Variants in RCAN2 observed in about 807,000 individuals in gnomAD.
RCAN2 encodes calcipressin-2.
RCAN2 carries 9 observed loss-of-function variants against 23.6 expected under a neutral mutation model. The observed-to-expected ratio is 0.38, with a 90% CI of 0.23 to 0.67. The LOEUF (loss-of-function observed/expected upper bound fraction) is 0.67. RCAN2 is among the 30% of genes least tolerant of loss of function. The pLI is 0.51. For missense variants in RCAN2, 273 were observed against 302.3 expected (o/e 0.90, Z 0.72); for synonymous variants, 109 against 115.7 (o/e 0.94, Z 0.37).
chr6:46,322,065 C>T (rs1311196116), intron 2 of RCAN2, among the ~76,000 whole-genome samples: 1 of 152,152 alleles, frequency 6.6e-6, no homozygotes, highest in East Asian at 1.9e-4. Context: ...AAAAGATCTC[C>T]AGGGGACACC....
At chr6:46,313,010 T>C (rs1019461486) in intron 2 of RCAN2, among the ~76,000 whole-genome samples, 1 of 152,206 alleles carries the variant, frequency 6.6e-6, no homozygotes, top group African/African-American at 2.4e-5. Flanking sequence ...TCCTTCATAA[T>C]GTGACCCCAG....
At chr6:46,260,319 A>G (rs1268762573) in intron 2 of RCAN2, among the ~76,000 whole-genome samples, 1 of 152,210 alleles carries the variant, frequency 6.6e-6, no homozygotes, top group Non-Finnish European at 1.5e-5. Context: ...CTCTTAGCTG[A>G]TAAGGGTCAA....
At chr6:46,382,693 A>T (rs1765643165) in intron 2 of RCAN2, among the ~76,000 whole-genome samples, 1 of 152,234 alleles carries the variant, frequency 6.6e-6, no homozygotes, top group South Asian at 2.1e-4. Flanking sequence ...ACTATGTTTA[A>T]GAATAATAAG....
At chr6:46,333,095 C>T (rs1764035067) in intron 2 of RCAN2, among the ~76,000 whole-genome samples, 1 of 152,046 alleles carries the variant, frequency 6.6e-6, no homozygotes, top group East Asian at 1.9e-4. Flanking sequence ...TTTTTGGCTG[C>T]CTAAATGTCT....
At chr6:46,250,773 T>A (rs1409582731) in intron 2 of RCAN2, among the ~76,000 whole-genome samples, 1 of 152,174 alleles carries the variant, frequency 6.6e-6, no homozygotes, top group Non-Finnish European at 1.5e-5. Flanking sequence ...TCTAAGAGAA[T>A]CAACATAGTG....
chr6:46,303,750 T>G (rs1405698971), intron 2 of RCAN2, among the ~76,000 whole-genome samples: 2 of 152,134 alleles, frequency 1.3e-5, no homozygotes, highest in East Asian at 3.9e-4. Context: ...ATGATAAGCA[T>G]GTACTTTTAA....
intron 4 of RCAN2, among the ~76,000 whole-genome samples, chr6:46,241,066 T>C (rs565318955): frequency 6.6e-6 from 1 of 152,300 alleles, no homozygotes; most frequent in Non-Finnish European, 1.5e-5. Context: ...AACATGACCT[T>C]CCAGAGCCAT....
chr6:46,312,592 G>T (rs995450173), intron 2 of RCAN2, among the ~76,000 whole-genome samples: 1 of 152,178 alleles, frequency 6.6e-6, no homozygotes, highest in Admixed American at 6.5e-5. Flanking sequence ...TATTTTAGGT[G>T]TAGTGCCAAC....
intron 2 of RCAN2, among the ~76,000 whole-genome samples, chr6:46,413,328 A>C (rs1766599892): frequency 1.3e-5 from 2 of 152,242 alleles, no homozygotes; most frequent in African/African-American, 4.8e-5. Context: ...CATGAAGATA[A>C]TTAGTTGGTA....
intron 2 of RCAN2, among the ~76,000 whole-genome samples, chr6:46,365,582 C>A (rs143574779): frequency 3.3e-5 from 5 of 152,184 alleles, no homozygotes. Flanking sequence ...AGTTTGGAGA[C>A]GGCTGCTATA....
intron 2 of RCAN2, among the ~76,000 whole-genome samples, chr6:46,304,642 G>A (rs1205792268): frequency 2.6e-5 from 4 of 152,092 alleles, no homozygotes; most frequent in Non-Finnish European, 5.9e-5. Context: ...AATAAAAGAA[G>A]CACAGTGGTA....
At position 46,468,844 on chromosome 6, in the gene RCAN2, C is replaced by G. The variant is rs995857482; in HGVS notation, c.-2-11866G>C. Reference sequence around the variant, plus strand: ...AACTTGAGTGACTTCCTGAGTCTCACAGATTCTCATTGTCTCCAGCTGTGT... The same window carrying G: ...AACTTGAGTGACTTCCTGAGTCTCAGAGATTCTCATTGTCTCCAGCTGTGT... On this transcript the variant is annotated intron_variant, in intron 1 of 4. Transcript: ENST00000371374. 3.0e-6 allele frequency: 3 copies of G among 985,270 alleles called. No homozygotes were observed. The African/African-American group carries it at 5.2e-5, about 17-fold the overall frequency. 61.0% of individuals were successfully genotyped at this position (985,270 alleles called of 1,614,324 possible). A position where few individuals can be genotyped will look rare whatever the true frequency, so the allele number is the denominator to read the frequency against.
intron 2 of RCAN2, among the ~76,000 whole-genome samples, chr6:46,317,813 T>G (rs1005147694): frequency 1.3e-5 from 2 of 152,170 alleles, no homozygotes; most frequent in African/African-American, 4.8e-5. Context: ...CTTAGAGAGA[T>G]TTCGATAGTG....
intron 2 of RCAN2, among the ~76,000 whole-genome samples, chr6:46,407,379 A>G (rs1453505461): frequency 1.3e-5 from 2 of 152,224 alleles, no homozygotes; most frequent in Non-Finnish European, 2.9e-5. Context: ...AGCAAAAATG[A>G]AGTCTTGATT....
chr6:46,359,039 C>A (rs1031600203), intron 2 of RCAN2, among the ~76,000 whole-genome samples: 6 of 152,194 alleles, frequency 3.9e-5, no homozygotes, highest in African/African-American at 1.2e-4. Flanking sequence ...CAAACTTGAG[C>A]ACATCAGAAT....
At chr6:46,280,986 A>T (rs1230751052) in intron 2 of RCAN2, among the ~76,000 whole-genome samples, 1 of 152,162 alleles carries the variant, frequency 6.6e-6, no homozygotes, top group Non-Finnish European at 1.5e-5. Flanking sequence ...ATCAATCAGT[A>T]CAGTTCTAGA....
At position 46,398,946 on chromosome 6, in the gene RCAN2, A is replaced by C. The variant is rs573697246; in HGVS notation, c.225+57806T>G. 1.7e-3 allele frequency among the ~76,000 whole-genome samples: 262 copies of C among 151,496 alleles called. 2 individuals carry two copies. Among genetic ancestry groups the C allele is most frequent in the African/African-American group, 5.9e-3 (244 of 41,364 alleles). The stretch of plus-strand genomic sequence containing the variant: ...TATATACATATATATACATAAAAGC[A>C]ATAAGAATAGTGAGTATGTGTCTAT... On this transcript the variant is annotated intron_variant, in intron 2 of 4. Coordinates refer to ENST00000371374, the MANE Select transcript of RCAN2 (RefSeq NM_001251974.2).
chr6:46,401,350 T>C (rs1766243218), intron 2 of RCAN2, among the ~76,000 whole-genome samples: 1 of 152,152 alleles, frequency 6.6e-6, no homozygotes, highest in South Asian at 2.1e-4. Flanking sequence ...CCCTGGGCCT[T>C]TGTCAGGGCC....
intron 2 of RCAN2, among the ~76,000 whole-genome samples, chr6:46,377,777 AG>A (rs1765517022): frequency 6.6e-6 from 1 of 152,232 alleles, no homozygotes; most frequent in Non-Finnish European, 1.5e-5. Flanking sequence ...GAGGAAAGAA[AG>A]GGAGGGGTAC....
Sources: gnomAD v4.1 joint callset for allele counts (sites outside exome capture counted in the v4.1 genomes callset) on GRCh38, gnomAD v4.1.1 for gene constraint, MANE v1.5 for transcripts, NCBI Gene and HGNC (gene_info 2026-07-23, HGNC 2026-07-21) for gene names.